The following DGKD variants were observed in gnomAD, a reference collection of about 807,000 sequenced individuals.
DGKD encodes diacylglycerol kinase delta.
In DGKD, 68 loss-of-function variants were observed where a neutral mutation model predicts 154.4. That is an observed-to-expected ratio of 0.44 (90% CI 0.36 to 0.54). The LOEUF is 0.54. Ranked by LOEUF, DGKD falls within the 20% of genes least tolerant of loss-of-function variation. The pLI, the probability that DGKD is intolerant of heterozygous loss-of-function variation, is 0.00. For synonymous variants in DGKD, 693 were observed against 638.0 expected, an observed-to-expected ratio of 1.09 and a Z score of -1.30; for missense variants, 1,343 against 1,593.6, an observed-to-expected ratio of 0.84 and a Z score of 2.68.
rs370408026 is a variant in DGKD, at chr2:233,355,155, A to C, written c.156+481A>C. Among the ~76,000 whole-genome samples the C allele has an allele frequency of 5.8e-4, 88 of 152,180 alleles. 2 individuals are homozygous for C. The South Asian group carries it at 0.017, about 30-fold the overall frequency. On this transcript the variant is annotated intron_variant, in intron 1 of 29. Transcript: ENST00000264057. Reference sequence around the variant, plus strand: ...CTGCAGACTTCCCTGTGGTGCCCTCAGAAGTCCGCTCGGACCCGGGTGCGA... The same window carrying C: ...CTGCAGACTTCCCTGTGGTGCCCTCCGAAGTCCGCTCGGACCCGGGTGCGA...
chr2:233,377,519 C>T (rs1330475710), intron 1 of DGKD, among the ~76,000 whole-genome samples: 7 of 152,068 alleles, frequency 4.6e-5, no homozygotes, highest in Non-Finnish European at 5.9e-5. Flanking sequence ...TTGAATGTAC[C>T]GTAATTTATT....
chr2:233,422,118 C>T (rs1253018044), intron 3 of DGKD, among the ~76,000 whole-genome samples: 1 of 152,186 alleles, frequency 6.6e-6, no homozygotes, highest in Non-Finnish European at 1.5e-5. Context: ...CTTTTGGGGC[C>T]TTGTCTTGGC....
At position 233,459,787 on chromosome 2, in the gene DGKD, G is replaced by A; in HGVS notation, c.2725G>A (p.Asp909Asn). 6.2e-7 allele frequency: 1 copy of A among 1,614,094 alleles called. No homozygotes were observed. Among genetic ancestry groups the A allele is most frequent in the Admixed American group, 1.7e-5 (1 of 60,000 alleles). Residue 909 changes from aspartate to asparagine, a missense_variant, in exon 23 of 30, where the codon GAT (aspartate) becomes AAT (asparagine). Coordinates refer to ENST00000264057, the MANE Select transcript of DGKD (RefSeq NM_152879.3). The surrounding 1 kb of genome is among the most constrained non-coding windows in gnomAD (Gnocchi z 5.7). ...CACGGTGAAGATCTCCATCCTTGGG[G>A]ATGAGGGCGTGCCTGTGCAGGTGGA... The part of the protein sequence containing the change: ...CRTVKISILG[D>N]EGVPVQVDGE...
chr2:233,398,002 G>T (rs2061461743), intron 3 of DGKD, among the ~76,000 whole-genome samples: 1 of 151,718 alleles, frequency 6.6e-6, no homozygotes, highest in South Asian at 2.1e-4. Flanking sequence ...TAATTTGTTG[G>T]TTTTTTTCCT....
intron 1 of DGKD, among the ~76,000 whole-genome samples, chr2:233,387,040 G>C (rs1051889598): frequency 1.3e-5 from 2 of 152,230 alleles, no homozygotes; most frequent in African/African-American, 4.8e-5. Context: ...AGCCTTCCCT[G>C]TTCCACTGTC....
At chr2:233,380,610 C>A (rs1702840493) in intron 1 of DGKD, among the ~76,000 whole-genome samples, 1 of 152,086 alleles carries the variant, frequency 6.6e-6, no homozygotes, top group Non-Finnish European at 1.5e-5. Flanking sequence ...GATGAAAGGT[C>A]CCCCGCGACC....
At chr2:233,451,135 C>T (rs1396451538) in intron 17 of DGKD, 85 bp downstream of exon 17, 2 of 1,465,772 alleles carry the variant, frequency 1.4e-6, no homozygotes, top group African/African-American at 1.4e-5. Context: ...GCTCGCTGCC[C>T]TCGGAGAGTT....
chr2:233,419,075 G>A (rs1336568505), intron 3 of DGKD, among the ~76,000 whole-genome samples: 3 of 152,138 alleles, frequency 2.0e-5, no homozygotes, highest in African/African-American at 4.8e-5. Flanking sequence ...TCCAGGATTC[G>A]GGCAGCATCG....
At chr2:233,435,357 C>T (rs1055987218) in intron 5 of DGKD, among the ~76,000 whole-genome samples, 25 of 152,246 alleles carry the variant, frequency 1.6e-4, no homozygotes, top group African/African-American at 5.1e-4. Flanking sequence ...GCCTGGACCA[C>T]ACCCTGCCTC....
intron 2 of DGKD, chr2:233,388,594 G>T: frequency 2.5e-6 from 1 of 400,428 alleles, no homozygotes; most frequent in Non-Finnish European, 4.4e-6. Flanking sequence ...AATGTCATCG[G>T]TAATGGGGAA....
chr2:233,437,578 G>C, intron 8 of DGKD, 99 bp downstream of exon 8: 3 of 1,203,052 alleles, frequency 2.5e-6, no homozygotes, highest in Non-Finnish European at 3.6e-6. Flanking sequence ...ATCTTGGTGA[G>C]ATGTCAGCAA....
At chr2:233,415,894 G>C (rs1211519156) in intron 3 of DGKD, among the ~76,000 whole-genome samples, 2 of 152,142 alleles carry the variant, frequency 1.3e-5, no homozygotes, top group Non-Finnish European at 2.9e-5. Flanking sequence ...CCAAAGCACT[G>C]ATTGGCAGGC....
intron 25 of DGKD, 24 bp downstream of exon 25, chr2:233,462,483 C>G (rs372719727): frequency 4.4e-6 from 7 of 1,581,984 alleles, no homozygotes; most frequent in South Asian, 1.1e-5. Context: ...CCTTTTCAGT[C>G]CTGGCTTCTT....
intron 3 of DGKD, among the ~76,000 whole-genome samples, chr2:233,423,253 T>C (rs535755121): frequency 6.6e-6 from 1 of 152,120 alleles, no homozygotes; most frequent in South Asian, 2.1e-4. Context: ...TGAATCTCCA[T>C]TTCTCTGGGA....
intron 3 of DGKD, among the ~76,000 whole-genome samples, chr2:233,394,417 A>G (rs1302983755): frequency 2.6e-5 from 4 of 151,312 alleles, no homozygotes; most frequent in Non-Finnish European, 5.9e-5. Context: ...TAATTTTTAC[A>G]TTTTTTTGTA....
intron 3 of DGKD, among the ~76,000 whole-genome samples, chr2:233,415,343 A>G (rs1351301219): frequency 6.6e-6 from 1 of 152,222 alleles, no homozygotes; most frequent in East Asian, 1.9e-4. Flanking sequence ...GCCTGCAGCA[A>G]GTGCCATCAG....
intron 27 of DGKD, among the ~76,000 whole-genome samples, chr2:233,466,375 T>C (rs900246027): frequency 6.6e-6 from 1 of 152,120 alleles, no homozygotes; most frequent in African/African-American, 2.4e-5. Context: ...TACCCATAGG[T>C]TTTATCATTA....
At chr2:233,396,972 T>TG (rs565720239) in intron 3 of DGKD, among the ~76,000 whole-genome samples, 51 of 43,278 alleles carry the variant, frequency 1.2e-3, no homozygotes, top group Non-Finnish European at 1.7e-3. Flanking sequence ...CCAGGGTGGC[T>TG]GGGGGGGGCA....
chr2:233,388,236 A>C, intron 1 of DGKD, 21 bp from the exon 2 acceptor site: 1 of 1,601,960 alleles, frequency 6.2e-7, no homozygotes, highest in Non-Finnish European at 8.5e-7. Context: ...CAAGTTTATG[A>C]ATATGTTTCT....
Sources: allele counts gnomAD v4.1 joint callset (sites outside exome capture counted in the v4.1 genomes callset), GRCh38; gene constraint gnomAD v4.1.1; non-coding constraint Gnocchi (gnomAD v3.1); transcripts MANE v1.5; gene names NCBI Gene and HGNC (gene_info 2026-07-23, HGNC 2026-07-21).